The following SLC35D4 variants were observed in gnomAD, a reference collection of about 807,000 sequenced individuals.
SLC35D4 encodes solute carrier family 35 member D4, also known as UDP-N-acetylglucosamine transporter SLC35D4.
At chr18:23,326,323 A>T in the SLC35D4 span, among the ~76,000 whole-genome samples, 2 of 152,238 alleles carry the variant, frequency 1.3e-5, no homozygotes, top group Non-Finnish European at 2.9e-5. Context: ...ACGTGCAAAG[A>T]CGCACATAGG....
At chr18:23,329,688 C>T in the SLC35D4 span, among the ~76,000 whole-genome samples, 1 of 152,148 alleles carries the variant, frequency 6.6e-6, no homozygotes, top group Non-Finnish European at 1.5e-5. Context: ...CCATTTGACC[C>T]AGCAATCCTA....
chr18:23,422,508 CCT>C, the SLC35D4 span, among the ~76,000 whole-genome samples: 1 of 152,152 alleles, frequency 6.6e-6, no homozygotes, highest in Non-Finnish European at 1.5e-5. Flanking sequence ...AACCCTCCTG[CCT>C]CTGTCTCAAT....
chr18:23,392,157 C>T, the SLC35D4 span, among the ~76,000 whole-genome samples: 2 of 152,106 alleles, frequency 1.3e-5, no homozygotes, highest in African/African-American at 4.8e-5. Flanking sequence ...AGGCTGGTCT[C>T]GAACTCCCAA....
the SLC35D4 span, among the ~76,000 whole-genome samples, chr18:23,391,638 C>A: frequency 6.6e-6 from 1 of 152,142 alleles, no homozygotes; most frequent in African/African-American, 2.4e-5. Flanking sequence ...GAGGCACATG[C>A]CACCAGGTCA....
At chr18:23,294,751 C>T in the SLC35D4 span, among the ~76,000 whole-genome samples, 1 of 151,930 alleles carries the variant, frequency 6.6e-6, no homozygotes, top group Non-Finnish European at 1.5e-5. Flanking sequence ...ACAGTGAACC[C>T]CTATCTCAAG....
chr18:23,336,582 A>T, the SLC35D4 span, among the ~76,000 whole-genome samples: 1 of 152,208 alleles, frequency 6.6e-6, no homozygotes, highest in Admixed American at 6.5e-5. Flanking sequence ...TATTTTCATC[A>T]GACCCTTCCA....
At chr18:23,278,173 C>T in the SLC35D4 span, among the ~76,000 whole-genome samples, 1 of 152,150 alleles carries the variant, frequency 6.6e-6, no homozygotes, top group Non-Finnish European at 1.5e-5. Flanking sequence ...CTGATCAAAA[C>T]CACTGGGCAG....
chr18:23,371,761 C>G, the SLC35D4 span, among the ~76,000 whole-genome samples: 1 of 151,932 alleles, frequency 6.6e-6, no homozygotes, highest in South Asian at 2.1e-4. Context: ...CCATCAACCC[C>G]TCTGGTTGTA....
the SLC35D4 span, among the ~76,000 whole-genome samples, chr18:23,423,225 C>T: frequency 6.6e-6 from 1 of 152,188 alleles, no homozygotes; most frequent in East Asian, 1.9e-4. Flanking sequence ...ATGTTCTTCC[C>T]ATCTCTTTGT....
At chr18:23,395,911 C>T in the SLC35D4 span, among the ~76,000 whole-genome samples, 1 of 152,212 alleles carries the variant, frequency 6.6e-6, no homozygotes, top group Non-Finnish European at 1.5e-5. Flanking sequence ...ACATGCTTAA[C>T]ATCAAATATT....
chr18:23,285,541 C>T, the SLC35D4 span, among the ~76,000 whole-genome samples: 58 of 152,278 alleles, frequency 3.8e-4, no homozygotes, highest in Non-Finnish European at 5.0e-4. Context: ...AGGTGCATGA[C>T]GTCCAGGCTT....
At chr18:23,358,145 C>T in the SLC35D4 span, among the ~76,000 whole-genome samples, 3 of 152,178 alleles carry the variant, frequency 2.0e-5, no homozygotes, top group Admixed American at 6.5e-5. Flanking sequence ...ATGGAGAATT[C>T]GTTCCGTCTC....
chr18:23,356,516 C>T, the SLC35D4 span: 1 of 1,431,504 alleles, frequency 7.0e-7, no homozygotes, highest in Non-Finnish European at 9.8e-7. This position sits in a 1 kb window ranked among gnomAD's most constrained non-coding sequence, Gnocchi z 4.1. Context: ...AGGTCACTAG[C>T]AGTGACCCTG....
the SLC35D4 span, among the ~76,000 whole-genome samples, chr18:23,420,148 A>G: frequency 6.6e-6 from 1 of 152,112 alleles, no homozygotes; most frequent in African/African-American, 2.4e-5. Flanking sequence ...TACTAAAAAT[A>G]CAAAATTAGC....
the SLC35D4 span, among the ~76,000 whole-genome samples, chr18:23,299,536 G>A: frequency 6.6e-6 from 1 of 152,236 alleles, no homozygotes; most frequent in Non-Finnish European, 1.5e-5. Context: ...GACTGACTGA[G>A]ACATGTTCCT....
the SLC35D4 span, among the ~76,000 whole-genome samples, chr18:23,295,163 G>T: frequency 6.6e-6 from 1 of 150,830 alleles, no homozygotes; most frequent in African/African-American, 2.4e-5. Flanking sequence ...AAGAACAAAA[G>T]TAAGTTGAAC....
the SLC35D4 span, among the ~76,000 whole-genome samples, chr18:23,305,651 G>A: frequency 3.9e-5 from 6 of 152,240 alleles, no homozygotes; most frequent in Admixed American, 2.6e-4. Flanking sequence ...AGGAGGAAGA[G>A]GAAGGTGTAG....
chr18:23,293,298 T>C, the SLC35D4 span, among the ~76,000 whole-genome samples: 3 of 152,150 alleles, frequency 2.0e-5, no homozygotes, highest in African/African-American at 7.2e-5. Flanking sequence ...AACAGACATA[T>C]CATGGGAGCC....
At chr18:23,369,387 A>G in the SLC35D4 span, among the ~76,000 whole-genome samples, 1 of 152,212 alleles carries the variant, frequency 6.6e-6, no homozygotes, top group Non-Finnish European at 1.5e-5. Flanking sequence ...TCAGCGCTCC[A>G]GGCCTGAAGT....
Sources: gnomAD v4.1 joint callset for allele counts (sites outside exome capture counted in the v4.1 genomes callset) on GRCh38, gnomAD v4.1.1 for gene constraint, Gnocchi (gnomAD v3.1) non-coding constraint, MANE v1.5 for transcripts, NCBI Gene and HGNC (gene_info 2026-07-23, HGNC 2026-07-21) for gene names.